Variants in FGF14 observed in about 807,000 individuals in gnomAD.
The protein encoded by FGF14 is fibroblast growth factor homologous factor 4.
In FGF14, 5 loss-of-function variants were observed where a neutral mutation model predicts 25.5. The observed-to-expected ratio is 0.20, with a 90% CI of 0.10 to 0.41. The LOEUF (loss-of-function observed/expected upper bound fraction) is 0.41, where lower values mean the gene tolerates loss of function less well. Ranked by LOEUF, FGF14 falls within the 10% of genes least tolerant of loss-of-function variation. The pLI, the probability that FGF14 is intolerant of heterozygous loss-of-function variation, is 1.00. For synonymous variants in FGF14, 138 were observed against 118.3 expected (o/e 1.17, Z -1.08); for missense variants, 222 against 320.1 (o/e 0.69, Z 2.34).
At chr13:102,356,942 T>TAC (rs1289043217) in intron 1 of FGF14, among the ~76,000 whole-genome samples, 1 of 149,930 alleles carries the variant, frequency 6.7e-6, no homozygotes, top group African/African-American at 2.5e-5. Context: ...TATATATATA[T>TAC]ATATATACAC....
intron 1 of FGF14, among the ~76,000 whole-genome samples, chr13:101,949,982 TG>T (rs139883521): frequency 0.013 from 1,951 of 152,276 alleles, 48 homozygotes; most frequent in African/African-American, 0.043. Context: ...GGAGAGGTGA[TG>T]AGGCAAGTTT....
chr13:102,059,518 G>A (rs2042581277), intron 1 of FGF14, among the ~76,000 whole-genome samples: 1 of 152,246 alleles, frequency 6.6e-6, no homozygotes, highest in African/African-American at 2.4e-5. Context: ...AACTATGCAA[G>A]TCTTCTAAAT....
intron 1 of FGF14, among the ~76,000 whole-genome samples, chr13:102,377,469 C>A (rs2058067524): frequency 1.3e-5 from 2 of 152,142 alleles, no homozygotes; most frequent in African/African-American, 4.8e-5. Flanking sequence ...ATACACATGA[C>A]TAATATTAGA....
intron 1 of FGF14, among the ~76,000 whole-genome samples, chr13:101,887,747 CCACA>C (rs1188317656): frequency 6.6e-5 from 10 of 151,980 alleles, no homozygotes; most frequent in Non-Finnish European, 1.3e-4. Flanking sequence ...GGAATGTTCC[CCACA>C]CAAAGAAATG....
chr13:102,305,998 C>T (rs370285039), intron 1 of FGF14, among the ~76,000 whole-genome samples: 6 of 152,112 alleles, frequency 3.9e-5, no homozygotes, highest in African/African-American at 1.4e-4. Context: ...CCTGCCCTGC[C>T]CACAAATAAA....
intron 1 of FGF14, among the ~76,000 whole-genome samples, chr13:102,265,198 C>T (rs1327769673): frequency 6.6e-6 from 1 of 152,070 alleles, no homozygotes; most frequent in East Asian, 1.9e-4. Flanking sequence ...CTCCACTACC[C>T]TTTATTTCTC....
At chr13:102,012,083 C>T (rs1306428613) in intron 1 of FGF14, among the ~76,000 whole-genome samples, 1 of 152,108 alleles carries the variant, frequency 6.6e-6, no homozygotes, top group Non-Finnish European at 1.5e-5. Context: ...TTTTATCATG[C>T]TGCCACTGAG....
At chr13:102,232,237 G>A (rs546614328) in intron 1 of FGF14, among the ~76,000 whole-genome samples, 2 of 152,134 alleles carry the variant, frequency 1.3e-5, no homozygotes, top group South Asian at 4.1e-4. Flanking sequence ...GCTATTAGGT[G>A]ATTAAAAGTA....
chr13:101,794,725 C>G (rs2040424798), intron 3 of FGF14, among the ~76,000 whole-genome samples: 1 of 152,240 alleles, frequency 6.6e-6, no homozygotes, highest in Admixed American at 6.6e-5. Context: ...AAAGCCATCT[C>G]TAGCAATTTA....
chr13:101,827,982 T>C (rs1008952702), intron 3 of FGF14, among the ~76,000 whole-genome samples: 1 of 150,926 alleles, frequency 6.6e-6, no homozygotes, highest in Admixed American at 6.6e-5. Flanking sequence ...ACTTTAGGCA[T>C]GTCAGGATAT....
At position 101,868,770 on chromosome 13, in the gene FGF14, T is replaced by G; in HGVS notation, c.363A>C (p.Thr121=). 2 of 1,613,700 alleles carry G rather than the reference T, an allele frequency of 1.2e-6. No individual in the cohort carries two copies. The highest frequency in any genetic ancestry group is 8.5e-7 in the Non-Finnish European group (1 of 1,179,650). The change falls in exon 3 of 5, where the codon ACA becomes ACC. Residue 121 remains threonine, a synonymous_variant. Coordinates refer to ENST00000376143, the MANE Select transcript of FGF14 (RefSeq NM_004115.4). ...CTCCATTCATGGCTATATACAACCC[T>G]GTTTTCACTCCCTGGATGGCAACAA... ...LRVVAIQGVK[T]GLYIAMNGEG... is the part of the protein sequence containing the mutation.
intron 1 of FGF14, among the ~76,000 whole-genome samples, chr13:101,929,402 T>C (rs550479249): frequency 6.6e-6 from 1 of 152,280 alleles, no homozygotes; most frequent in African/African-American, 2.4e-5. Flanking sequence ...TCTGTGAAGG[T>C]AAGCGGAAGC....
chr13:102,036,360 C>G (rs2041472333), intron 1 of FGF14, among the ~76,000 whole-genome samples: 1 of 152,140 alleles, frequency 6.6e-6, no homozygotes, highest in African/African-American at 2.4e-5. Context: ...GGATACACCT[C>G]CTGTTCACAT....
chr13:101,737,350 T>C (rs1490960663), intron 3 of FGF14, among the ~76,000 whole-genome samples: 1 of 152,130 alleles, frequency 6.6e-6, no homozygotes, highest in Middle Eastern at 3.2e-3. Context: ...AGTTCTTTTA[T>C]GTCCAACGAA....
At position 102,220,425 on chromosome 13, in the gene FGF14, G is replaced by C. The variant is rs143633403; in HGVS notation, c.208+181046C>G. On this transcript the variant is annotated intron_variant, in intron 1 of 4. Transcript: ENST00000376131. ...ATAAAATCCAAAATGTGTATTTTAT[G>C]TAGACATTCCTTTTAAAACACAGAA... 6.6e-4 allele frequency among the ~76,000 whole-genome samples: 101 copies of C among 152,274 alleles called. 1 individual carries two copies. In the East Asian group the frequency reaches 0.018, roughly 27 times the overall value.
chr13:102,139,645 G>A (rs1010217500), intron 1 of FGF14, among the ~76,000 whole-genome samples: 2 of 152,082 alleles, frequency 1.3e-5, no homozygotes, highest in Admixed American at 6.5e-5. Flanking sequence ...TGGAAGGAGA[G>A]GGACTTAGAA....
intron 1 of FGF14, among the ~76,000 whole-genome samples, chr13:101,941,254 G>A (rs188685989): frequency 2.6e-4 from 39 of 152,308 alleles, no homozygotes; most frequent in African/African-American, 8.4e-4. Context: ...CAGCCTTCAT[G>A]TGTAGTGTAT....
At chr13:101,942,299 T>G (rs1416144282) in intron 1 of FGF14, among the ~76,000 whole-genome samples, 2 of 152,146 alleles carry the variant, frequency 1.3e-5, no homozygotes, top group Non-Finnish European at 2.9e-5. Context: ...TCTCAGGAAA[T>G]GCCTTCTCCT....
chr13:101,714,741 G>T lies in FGF14; in HGVS notation c.*8090C>A, dbSNP rs577653578. The T allele has an allele frequency of 1.7e-4, 94 of 560,152 alleles. No individual in the cohort carries two copies. Among genetic ancestry groups the T allele is most frequent in the Non-Finnish European group, 2.9e-4 (91 of 315,288 alleles). The allele number at this position is 560,152 out of a possible 1,614,324, so 34.7% of individuals were successfully genotyped here. A position where few individuals can be genotyped will look rare whatever the true frequency, so the allele number is the denominator to read the frequency against. ...CCTCACATTATTCCTAGGCATAGAA[G>T]AATACAAGAGAATGAAGCTAAATTT... On this transcript the variant is annotated 3_prime_UTR_variant, in exon 5 of 5. Transcript: ENST00000376143.
Sources: gnomAD v4.1 joint callset for allele counts (sites outside exome capture counted in the v4.1 genomes callset) on GRCh38, gnomAD v4.1.1 for gene constraint, MANE v1.5 for transcripts, NCBI Gene and HGNC (gene_info 2026-07-23, HGNC 2026-07-21) for gene names.